Variants in KATNAL1 observed in about 807,000 individuals in gnomAD.
The protein encoded by KATNAL1 is katanin p60 ATPase-containing subunit A-like 1.
A neutral mutation model predicts 55.2 loss-of-function variants in KATNAL1; 32 were observed. The observed-to-expected ratio is 0.58, with a 90% CI of 0.44 to 0.78. The LOEUF is 0.78. Among genes scored for constraint, KATNAL1 ranks in the 30% least tolerant of loss-of-function variants. The probability of loss-of-function intolerance (pLI) is 0.00; values close to 1 mark genes in which losing one functional copy is unlikely to be tolerated. For synonymous variants in KATNAL1, 193 were observed against 193.6 expected (o/e 1.00, Z 0.02); for missense variants, 466 against 600.9 (o/e 0.78, Z 2.35).
At chr13:30,271,282 A>C (rs1880334470) in intron 3 of KATNAL1, among the ~76,000 whole-genome samples, 1 of 152,252 alleles carries the variant, frequency 6.6e-6, no homozygotes. Flanking sequence ...CAGAGAAGCC[A>C]TGTGGTAGGG....
chr13:30,256,467 T>A (rs921196453), intron 3 of KATNAL1, among the ~76,000 whole-genome samples: 3 of 152,182 alleles, frequency 2.0e-5, no homozygotes, highest in African/African-American at 7.2e-5. Context: ...TCTCTTTCTA[T>A]AGCTATGTAT....
At chr13:30,267,121 G>A (rs192218627) in intron 3 of KATNAL1, among the ~76,000 whole-genome samples, 1 of 152,136 alleles carries the variant, frequency 6.6e-6, no homozygotes, top group Non-Finnish European at 1.5e-5. Flanking sequence ...ATCACTGCCT[G>A]TATCTTGCTT....
chr13:30,269,238 C>A (rs150507101), intron 3 of KATNAL1, among the ~76,000 whole-genome samples: 3,252 of 152,348 alleles, frequency 0.021, 45 homozygotes, highest in Non-Finnish European at 0.033. Context: ...CACGCAGCCA[C>A]GCCTGACTGG....
chr13:30,253,777 T>C (rs1273243897), intron 4 of KATNAL1, among the ~76,000 whole-genome samples: 1 of 152,210 alleles, frequency 6.6e-6, no homozygotes, highest in Admixed American at 6.5e-5. Flanking sequence ...TGGATCTCTT[T>C]TGGTAAATCC....
intron 8 of KATNAL1, among the ~76,000 whole-genome samples, 154 bp downstream of exon 8, chr13:30,230,314 A>G (rs548111197): frequency 6.6e-6 from 1 of 152,358 alleles, no homozygotes. Context: ...AGTATGCAAG[A>G]AATGCTTTCT....
intron 9 of KATNAL1, among the ~76,000 whole-genome samples, chr13:30,220,610 A>G (rs1425983114): frequency 6.6e-6 from 1 of 152,252 alleles, no homozygotes; most frequent in East Asian, 1.9e-4. Flanking sequence ...ATATTCCAGC[A>G]TGGCTTATAG....
chr13:30,238,522 T>C (rs1216106559), intron 6 of KATNAL1, among the ~76,000 whole-genome samples: 1 of 152,176 alleles, frequency 6.6e-6, no homozygotes, highest in Non-Finnish European at 1.5e-5. Context: ...ACTGCCCACA[T>C]CATTCATCCC....
chr13:30,250,914 G>A (rs924126336), intron 4 of KATNAL1, among the ~76,000 whole-genome samples: 80 of 152,140 alleles, frequency 5.3e-4, no homozygotes, highest in East Asian at 1.9e-4. Context: ...CGAGGCGGGC[G>A]GATCACGAGG....
intron 3 of KATNAL1, among the ~76,000 whole-genome samples, chr13:30,278,193 T>G (rs1881008633): frequency 6.6e-6 from 1 of 151,862 alleles, no homozygotes; most frequent in African/African-American, 2.4e-5. Flanking sequence ...TTGTTGATGG[T>G]ATACATGGGA....
intron 3 of KATNAL1, among the ~76,000 whole-genome samples, chr13:30,266,970 T>A (rs142241971): frequency 6.6e-6 from 1 of 152,210 alleles, no homozygotes; most frequent in Non-Finnish European, 1.5e-5. Context: ...TGGATTCTTG[T>A]CAGTGTTTCG....
chr13:30,272,490 T>A (rs1334823390), intron 3 of KATNAL1, among the ~76,000 whole-genome samples: 1 of 152,108 alleles, frequency 6.6e-6, no homozygotes, highest in Non-Finnish European at 1.5e-5. Context: ...AGAGGGGAGA[T>A]GACAATCACT....
chr13:30,223,642 C>T (rs559050115), intron 9 of KATNAL1, among the ~76,000 whole-genome samples: 8 of 151,688 alleles, frequency 5.3e-5, no homozygotes, highest in African/African-American at 1.5e-4. Context: ...GTAATAGGAC[C>T]GAGAAGATGT....
At chr13:30,303,769 C>T (rs931972471) in intron 1 of KATNAL1, among the ~76,000 whole-genome samples, 1 of 152,116 alleles carries the variant, frequency 6.6e-6, no homozygotes, top group African/African-American at 2.4e-5. Flanking sequence ...GGCAAAAGTA[C>T]ATTGGTATTA....
Position 30,208,567 on chromosome 13 carries a change from T to C in KATNAL1, c.1446A>G (p.Lys482=). The change falls in exon 11 of 11, where the codon AAA becomes AAG. Residue 482 remains lysine (K), a synonymous_variant. Coordinates refer to ENST00000380615, the MANE Select transcript of KATNAL1 (RefSeq NM_032116.5). ...VSAADLEKYE[K]WMVEFGSA ...AAGCAGATCCAAATTCAACCATCCA[T>C]TTTTCATACTTCTCCAAGTCTGCAG... 1 of 1,599,358 alleles carries C rather than the reference T, an allele frequency of 6.3e-7. No homozygotes were observed.
chr13:30,243,984 G>C (rs941182984), intron 4 of KATNAL1, among the ~76,000 whole-genome samples: 2 of 151,954 alleles, frequency 1.3e-5, no homozygotes, highest in Non-Finnish European at 2.9e-5. Context: ...AGAACGTGCA[G>C]GTTTGTTCCA....
At chr13:30,211,406 G>T (rs1032776957) in intron 9 of KATNAL1, among the ~76,000 whole-genome samples, 3 of 152,054 alleles carry the variant, frequency 2.0e-5, no homozygotes, top group Non-Finnish European at 4.4e-5. Context: ...TAAGAAAAAA[G>T]GTAGACATAG....
chr13:30,263,856 A>T (rs1879515471), intron 3 of KATNAL1, among the ~76,000 whole-genome samples: 1 of 147,444 alleles, frequency 6.8e-6, no homozygotes, highest in African/African-American at 2.5e-5. Context: ...GACTTTCTTC[A>T]CAGAATTGGA....
Position 30,296,612 on chromosome 13 carries a change from G to A in KATNAL1, c.-15+10719C>T, listed in dbSNP as rs531828798. On this transcript the variant is annotated intron_variant, in intron 1 of 10. Transcript: ENST00000380615. Reference sequence around the variant, plus strand: ...GCTCATTGGATGAGGCTCTGCAGCTGGTCCAGACCATCCAGTACACGGACG... The same window carrying A: ...GCTCATTGGATGAGGCTCTGCAGCTAGTCCAGACCATCCAGTACACGGACG... The A allele has an allele frequency of 4.2e-4, 301 of 715,948 alleles. 2 individuals are homozygous for A. Among genetic ancestry groups the A allele is most frequent in the South Asian group, 4.0e-3 (290 of 72,956 alleles). The allele number at this position is 715,948 out of a possible 1,614,324, so 44.3% of individuals were successfully genotyped here. A position where few individuals can be genotyped will look rare whatever the true frequency, so the allele number is the denominator to read the frequency against.
chr13:30,214,133 G>C (rs1379777573), intron 9 of KATNAL1, among the ~76,000 whole-genome samples: 1 of 152,050 alleles, frequency 6.6e-6, no homozygotes, highest in Non-Finnish European at 1.5e-5. Flanking sequence ...ACCAATAACA[G>C]ACAAACAGAG....
Sources: allele counts gnomAD v4.1 joint callset (sites outside exome capture counted in the v4.1 genomes callset), GRCh38; gene constraint gnomAD v4.1.1; transcripts MANE v1.5; gene names NCBI Gene and HGNC (gene_info 2026-07-23, HGNC 2026-07-21).